Variants in IFT88 observed in about 807,000 individuals in gnomAD.
IFT88 encodes intraflagellar transport protein 88 homolog.
A neutral mutation model predicts 119.5 loss-of-function variants in IFT88; 74 were observed. The observed-to-expected ratio is 0.62, with a 90% CI of 0.51 to 0.75. IFT88 has a LOEUF of 0.75. Ranked by LOEUF, IFT88 falls within the 30% of genes least tolerant of loss-of-function variation. IFT88 has a pLI of 0.00. For missense variants in IFT88, 961 were observed against 977.7 expected (o/e 0.98, Z 0.23); for synonymous variants, 279 against 316.7 (o/e 0.88, Z 1.26).
chr13:20,657,050 GT>G (rs898850380), intron 22 of IFT88, among the ~76,000 whole-genome samples: 9 of 152,132 alleles, frequency 5.9e-5, no homozygotes, highest in Non-Finnish European at 1.0e-4. Flanking sequence ...GTAGAGACGG[GT>G]TTTACTATGT....
intron 6 of IFT88, 55 bp from the exon 7 acceptor site, chr13:20,592,280 T>G: frequency 7.7e-7 from 1 of 1,299,086 alleles, no homozygotes; most frequent in Middle Eastern, 1.8e-4. Flanking sequence ...TTTTCATATA[T>G]TCTTCGATTT....
At chr13:20,607,266 A>G (rs2043647715) in intron 13 of IFT88, 1 of 411,724 alleles carries the variant, frequency 2.4e-6, no homozygotes, top group Non-Finnish European at 4.9e-6. Flanking sequence ...CTGCCGCAGC[A>G]CTTCTACCCG....
intron 13 of IFT88, among the ~76,000 whole-genome samples, chr13:20,605,578 C>G (rs1245757022): frequency 6.6e-6 from 1 of 152,192 alleles, no homozygotes; most frequent in Non-Finnish European, 1.5e-5. Context: ...TACAACACTT[C>G]TGACACCAAA....
intron 15 of IFT88, 139 bp from the exon 16 acceptor site, chr13:20,630,877 G>T: frequency 1.2e-5 from 6 of 496,450 alleles, no homozygotes; most frequent in Admixed American, 3.3e-5. Flanking sequence ...CTTGTAATCT[G>T]TTTTCTTGAA....
chr13:20,669,718 C>T (rs1463121519), intron 23 of IFT88, among the ~76,000 whole-genome samples: 6 of 152,104 alleles, frequency 3.9e-5, no homozygotes, highest in African/African-American at 7.2e-5. Flanking sequence ...GCCACCACAC[C>T]GGGCCTATTT....
intron 15 of IFT88, among the ~76,000 whole-genome samples, chr13:20,627,669 T>C (rs1423780491): frequency 7.0e-6 from 1 of 142,006 alleles, no homozygotes; most frequent in African/African-American, 2.7e-5. Flanking sequence ...AGGCAGAAGT[T>C]GCAATGAGCT....
At chr13:20,689,694 G>A (rs1410813098) in intron 24 of IFT88, among the ~76,000 whole-genome samples, 2 of 151,908 alleles carry the variant, frequency 1.3e-5, no homozygotes, top group Non-Finnish European at 2.9e-5. Context: ...TAGTTATTGT[G>A]TATATATTTG....
At chr13:20,600,050 G>C (rs2042348362) in intron 11 of IFT88, among the ~76,000 whole-genome samples, 1 of 152,146 alleles carries the variant, frequency 6.6e-6, no homozygotes, top group African/African-American at 2.4e-5. Context: ...AGTGATAACT[G>C]TGGGGACATA....
At chr13:20,582,919 A>G (rs777914498) in intron 2 of IFT88, 38 bp from the exon 3 acceptor site, 2 of 1,518,242 alleles carry the variant, frequency 1.3e-6, no homozygotes, top group South Asian at 2.3e-5. Flanking sequence ...CCCAATTCTT[A>G]CTCTGTGTTG....
intron 2 of IFT88, 97 bp downstream of exon 2, chr13:20,574,572 T>G (rs1237751193): frequency 3.4e-5 from 19 of 565,224 alleles, no homozygotes; most frequent in Non-Finnish European, 5.2e-5. Flanking sequence ...TGCTTTAGAT[T>G]AAATAAGCTG....
intron 17 of IFT88, among the ~76,000 whole-genome samples, chr13:20,640,274 C>T (rs1400321179): frequency 6.6e-6 from 1 of 151,690 alleles, no homozygotes; most frequent in Non-Finnish European, 1.5e-5. Flanking sequence ...TAAGAATCTA[C>T]ATTTAAAAAA....
intron 13 of IFT88, among the ~76,000 whole-genome samples, chr13:20,614,813 T>A (rs2045301438): frequency 7.9e-6 from 1 of 126,628 alleles, no homozygotes; most frequent in African/African-American, 2.6e-5. Flanking sequence ...AGATTATTTC[T>A]TTTCTTTTTT....
chr13:20,686,467 T>C (rs558419369), intron 24 of IFT88, among the ~76,000 whole-genome samples: 25 of 152,312 alleles, frequency 1.6e-4, no homozygotes, highest in African/African-American at 5.8e-4. Flanking sequence ...TCCTTTTGCC[T>C]CTGCTGGGTG....
chr13:20,648,320 C>T (rs1183120452), intron 20 of IFT88, among the ~76,000 whole-genome samples: 6 of 152,114 alleles, frequency 3.9e-5, no homozygotes, highest in South Asian at 2.1e-4. Context: ...CGCTTGAACC[C>T]GGGAGGCGGA....
At chr13:20,606,549 G>A (rs2043495866) in intron 13 of IFT88, among the ~76,000 whole-genome samples, 1 of 152,150 alleles carries the variant, frequency 6.6e-6, no homozygotes. Context: ...TTAAAATCCA[G>A]GGTCTCATAA....
Position 20,691,255 on chromosome 13 carries a change from A to G in IFT88, c.*80A>G. ...TGTTAAACCTTGGATTAAATATCTAACCTGTAATTATTTTTTTTCACTGTC... is the reference window on the plus strand; with the variant it reads ...TGTTAAACCTTGGATTAAATATCTAGCCTGTAATTATTTTTTTTCACTGTC... On this transcript the variant is annotated 3_prime_UTR_variant, in exon 26 of 26. Transcript: ENST00000351808. 2.3e-6 allele frequency: 3 copies of G among 1,280,616 alleles called. No individual in the cohort carries two copies. The highest frequency in any genetic ancestry group is 3.2e-6 in the Non-Finnish European group (3 of 935,102). 79.3% of individuals were successfully genotyped at this position (1,280,616 alleles called of 1,614,324 possible).
Position 20,644,967 on chromosome 13 carries a change from T to A in IFT88, c.1949+9T>A. The A allele has an allele frequency of 7.8e-7, 1 of 1,274,898 alleles. No individual in the cohort carries two copies. Among genetic ancestry groups the A allele is most frequent in the Non-Finnish European group, 1.1e-6 (1 of 884,388 alleles). 79.0% of individuals were successfully genotyped at this position (1,274,898 alleles called of 1,614,324 possible). ...AGAGCTTCTCTTATACAGTAAGTAA[T>A]CATTAGGATTTTATGTTTAGTTAAT... On this transcript the variant is annotated intron_variant, in intron 20 of 25. Transcript: ENST00000351808.
At chr13:20,607,923 C>G (rs2043797428) in intron 13 of IFT88, 2 of 666,694 alleles carry the variant, frequency 3.0e-6, no homozygotes, top group Non-Finnish European at 5.7e-6. Flanking sequence ...GGGTCTTCCT[C>G]TACAAGACCA....
At chr13:20,652,862 A>G (rs1331502957) in intron 20 of IFT88, among the ~76,000 whole-genome samples, 1 of 152,206 alleles carries the variant, frequency 6.6e-6, no homozygotes, top group Non-Finnish European at 1.5e-5. Context: ...ATGCGCCTCT[A>G]AGCAGACATG....
Sources: allele counts gnomAD v4.1 joint callset (sites outside exome capture counted in the v4.1 genomes callset), GRCh38; gene constraint gnomAD v4.1.1; transcripts MANE v1.5; gene names NCBI Gene and HGNC (gene_info 2026-07-23, HGNC 2026-07-21).